GNG12: variants seen among roughly 807,000 people sequenced by gnomAD.
The protein encoded by GNG12 is guanine nucleotide-binding protein G(I)/G(S)/G(O) subunit gamma-12.
For missense variants in GNG12, 69 were observed against 83.8 expected, an observed-to-expected ratio of 0.82 and a Z score of 0.69; for synonymous variants, 28 against 29.7, an observed-to-expected ratio of 0.94 and a Z score of 0.19.
intron 2 of GNG12, among the ~76,000 whole-genome samples, chr1:67,749,405 T>C (rs966043172): frequency 6.6e-6 from 1 of 152,180 alleles, no homozygotes; most frequent in Non-Finnish European, 1.5e-5. Context: ...ACAAAGCATA[T>C]GGAGTGCCTG....
intron 2 of GNG12, among the ~76,000 whole-genome samples, chr1:67,718,056 T>C (rs917481168): frequency 6.6e-6 from 1 of 152,248 alleles, no homozygotes; most frequent in Non-Finnish European, 1.5e-5. Context: ...AGGCAGATGA[T>C]GCTCTCTCCA....
At position 67,757,591 on chromosome 1, in the gene GNG12, A is replaced by G. The variant is rs1165673985; in HGVS notation, c.-27+19867T>C. ...CAGTAGGGCCAAAGGGACTATCACA[A>G]ATGGGAGCCTTTCCACTAGGGCTTT... On this transcript the variant is annotated intron_variant, in intron 2 of 3. Coordinates refer to ENST00000370982, the MANE Select transcript of GNG12 (RefSeq NM_018841.6). Among the ~76,000 whole-genome samples the G allele has an allele frequency of 2.6e-5, 4 of 152,098 alleles. No homozygotes were observed. In the East Asian group the frequency reaches 7.7e-4, roughly 29 times the overall value.
At position 67,705,381 on chromosome 1, in the gene GNG12, T is replaced by C; in HGVS notation, c.*70A>G. 1 of 1,573,558 alleles carries C rather than the reference T, an allele frequency of 6.4e-7. No homozygotes were observed. The highest frequency in any genetic ancestry group is 1.4e-5 in the African/African-American group (1 of 73,524). On this transcript the variant is annotated 3_prime_UTR_variant, in exon 4 of 4. Coordinates refer to ENST00000370982, the MANE Select transcript of GNG12 (RefSeq NM_018841.6). The stretch of plus-strand genomic sequence containing the variant: ...CAGTGGTTACCAAATAAGCTGAAGG[T>C]AAATCTCTTCAAGGAGCTGCTCATA...
intron 1 of GNG12, among the ~76,000 whole-genome samples, chr1:67,817,431 A>T (rs1180499783): frequency 6.6e-6 from 1 of 152,208 alleles, no homozygotes; most frequent in African/African-American, 2.4e-5. Context: ...TCTCAAAGTC[A>T]CATGGCTAGT....
chr1:67,704,373 A>T lies in GNG12; in HGVS notation c.*1078T>A, dbSNP rs15472. ...TATTCCACATACCTGTGGCTGGGGAAGGTAATGTTACCTCTGCAAACAGAT... is the reference window on the plus strand; with the variant it reads ...TATTCCACATACCTGTGGCTGGGGATGGTAATGTTACCTCTGCAAACAGAT... On this transcript the variant is annotated 3_prime_UTR_variant, in exon 4 of 4. Coordinates refer to ENST00000370982, the MANE Select transcript of GNG12 (RefSeq NM_018841.6). 1 of 152,106 alleles carries T rather than the reference A, an allele frequency of 6.6e-6. No homozygotes were observed. The highest frequency in any genetic ancestry group is 2.4e-5 in the African/African-American group (1 of 41,406). 9.4% of individuals were successfully genotyped at this position (152,106 alleles called of 1,614,324 possible).
chr1:67,729,294 C>G (rs1646405527), intron 2 of GNG12, among the ~76,000 whole-genome samples: 1 of 152,184 alleles, frequency 6.6e-6, no homozygotes, highest in Non-Finnish European at 1.5e-5. Context: ...CTGTGAGACC[C>G]CATCCTTTCA....
intron 2 of GNG12, among the ~76,000 whole-genome samples, chr1:67,740,744 CA>C (rs1410076140): frequency 6.6e-6 from 1 of 152,150 alleles, no homozygotes; most frequent in Non-Finnish European, 1.5e-5. Context: ...CCTTATAAAG[CA>C]GGTTCAAGGG....
At chr1:67,832,192 C>T (rs1464141824) in intron 1 of GNG12, 1 of 152,234 alleles carries the variant, frequency 6.6e-6, no homozygotes, top group Non-Finnish European at 1.5e-5. Flanking sequence ...TCCACACGGT[C>T]TAATAAATTC....
At chr1:67,748,211 AAGG>A (rs1646517889) in intron 2 of GNG12, among the ~76,000 whole-genome samples, 1 of 152,194 alleles carries the variant, frequency 6.6e-6, no homozygotes, top group South Asian at 2.1e-4. Context: ...TCACTTTTCG[AAGG>A]AGTTTTCTGT....
At chr1:67,718,799 C>A (rs956882223) in intron 2 of GNG12, among the ~76,000 whole-genome samples, 3 of 152,166 alleles carry the variant, frequency 2.0e-5, no homozygotes, top group Non-Finnish European at 1.5e-5. Context: ...CAGGAACCCC[C>A]AGGAAAAGTC....
intron 1 of GNG12, among the ~76,000 whole-genome samples, chr1:67,806,006 G>GA (rs368179092): frequency 6.7e-6 from 1 of 149,988 alleles, no homozygotes; most frequent in Non-Finnish European, 1.5e-5. Context: ...AGTATTGAGA[G>GA]AAAAAAAACG....
At position 67,707,662 on chromosome 1, in the gene GNG12, T is replaced by C. The variant is rs958000590; in HGVS notation, c.25A>G (p.Asn9Asp). Reference sequence around the variant, plus strand: ...GTTCTCCTTGCCTGGGCTATATTGTTGGTGCTTGCTGTTTTGCTGGACATC... The same window carrying C: ...GTTCTCCTTGCCTGGGCTATATTGTCGGTGCTTGCTGTTTTGCTGGACATC... Reference protein sequence around the residue: MSSKTASTNNIAQARRTVQ... With the variant: MSSKTASTDNIAQARRTVQ... Residue 9 changes from asparagine (N) to aspartate (D), a missense_variant, in exon 3 of 4, where the codon AAC (asparagine) becomes GAC (aspartate). Coordinates refer to ENST00000370982, the MANE Select transcript of GNG12 (RefSeq NM_018841.6). The C allele has an allele frequency of 3.1e-6, 5 of 1,605,598 alleles. No individual in the cohort carries two copies. In the Middle Eastern group the frequency reaches 6.6e-4, roughly 212 times the overall value.
intron 1 of GNG12, among the ~76,000 whole-genome samples, chr1:67,793,028 A>C (rs1646810483): frequency 6.6e-6 from 1 of 152,174 alleles, no homozygotes; most frequent in Non-Finnish European, 1.5e-5. Context: ...ACCACCCCAC[A>C]GAGACCAATG....
chr1:67,726,621 T>A (rs912991183), intron 2 of GNG12, among the ~76,000 whole-genome samples: 4 of 152,252 alleles, frequency 2.6e-5, no homozygotes, highest in Admixed American at 1.3e-4. Context: ...CTCCTAAGAC[T>A]TTCCCAAATG....
chr1:67,789,295 C>T (rs556669034), intron 1 of GNG12, among the ~76,000 whole-genome samples: 1 of 152,220 alleles, frequency 6.6e-6, no homozygotes, highest in South Asian at 2.1e-4. Flanking sequence ...GGACATGTGC[C>T]TTAGAATCTT....
At chr1:67,786,779 C>T (rs751113471) in intron 1 of GNG12, among the ~76,000 whole-genome samples, 50 of 151,430 alleles carry the variant, frequency 3.3e-4, no homozygotes, top group Non-Finnish European at 6.6e-4. Context: ...AAAACAACAA[C>T]AAAAAAAACT....
intron 1 of GNG12, among the ~76,000 whole-genome samples, chr1:67,798,995 AT>A (rs1646848524): frequency 6.6e-6 from 1 of 150,450 alleles, no homozygotes; most frequent in Non-Finnish European, 1.5e-5. Context: ...AATAGTCAAT[AT>A]ATTTTCTCCT....
chr1:67,711,753 G>A (rs1029076805), intron 2 of GNG12, among the ~76,000 whole-genome samples: 2 of 152,184 alleles, frequency 1.3e-5, no homozygotes, highest in Middle Eastern at 3.2e-3. Context: ...TACATCTGCT[G>A]TTCCCCAAGT....
chr1:67,793,712 T>G (rs1646814578), intron 1 of GNG12, among the ~76,000 whole-genome samples: 1 of 152,164 alleles, frequency 6.6e-6, no homozygotes, highest in South Asian at 2.1e-4. Context: ...ACTGGTGACA[T>G]TCTGAATGAC....
Sources: allele counts gnomAD v4.1 joint callset (sites outside exome capture counted in the v4.1 genomes callset), GRCh38; gene constraint gnomAD v4.1.1; transcripts MANE v1.5; gene names NCBI Gene and HGNC (gene_info 2026-07-23, HGNC 2026-07-21).